NCOR2: variants seen among roughly 807,000 people sequenced by gnomAD.
NCOR2 encodes the protein CTG repeat protein 26.
NCOR2 carries 81 observed loss-of-function variants against 262.9 expected under a neutral mutation model. That is an observed-to-expected ratio of 0.31 (90% CI 0.26 to 0.37). The LOEUF is 0.37. NCOR2 is among the 10% of genes least tolerant of loss of function. The pLI, the probability that NCOR2 is intolerant of heterozygous loss-of-function variation, is 1.00. For missense variants in NCOR2, 3,385 were observed against 3,621.4 expected (o/e 0.93, Z 1.68); for synonymous variants, 1,659 against 1,559.3 (o/e 1.06, Z -1.51).
In NCOR2 at chr12:124,396,744, G is replaced by A. The variant is rs190783526; in HGVS notation, c.1876+1375C>T. ...GGCAGGGTCCCGGGGTGAGGGCGGG[G>A]GCTGTGGGGGTCTTCTCAGGGCTGT... On this transcript the variant is annotated intron_variant, in intron 16 of 46. Transcript: ENST00000405201. Among the ~76,000 whole-genome samples the A allele has an allele frequency of 6.5e-3, 984 of 152,210 alleles. 10 individuals are homozygous for A. Among genetic ancestry groups the A allele is most frequent in the African/African-American group, 0.022 (929 of 41,542 alleles).
At chr12:124,496,735 C>T (rs997373153), upstream of NCOR2, among the ~76,000 whole-genome samples, 3 of 152,134 alleles carry the variant, frequency 2.0e-5, no homozygotes, top group African/African-American at 4.8e-5. This position sits in a 1 kb window ranked among gnomAD's most constrained non-coding sequence, Gnocchi z 4.4. Flanking sequence ...ACCCTCCCTC[C>T]CTCCCCAGGT....
At position 124,543,484 on chromosome 12, in the gene NCOR2, G is replaced by A. The variant is rs545460670; in HGVS notation, c.-164-7873C>T. Among the ~76,000 whole-genome samples, 538 of 152,330 alleles carry A rather than the reference G, an allele frequency of 3.5e-3. 2 individuals carry two copies. The highest frequency in any genetic ancestry group is 6.9e-3 in the Admixed American group (105 of 15,308). On this transcript the variant is annotated intron_variant, in intron 1 of 32. Transcript: ENST00000458234. ...CCAGGTCACACAGCCAGTGAGGGGCGGGGAGACGGGACCCCGAGCATCTGA... is the reference window on the plus strand; with the variant it reads ...CCAGGTCACACAGCCAGTGAGGGGCAGGGAGACGGGACCCCGAGCATCTGA...
Position 124,504,107 on chromosome 12 carries a change from C to T in NCOR2, c.-117-8739G>A, listed in dbSNP as rs536874439. Among the ~76,000 whole-genome samples the T allele has an allele frequency of 1.3e-4, 20 of 152,346 alleles. No individual in the cohort carries two copies. Among genetic ancestry groups the T allele is most frequent in the Middle Eastern group, 3.4e-3 (1 of 294 alleles). On this transcript the variant is annotated intron_variant, in intron 1 of 46. Transcript: ENST00000404621. The surrounding 1 kb of genome is among the most constrained non-coding windows in gnomAD (Gnocchi z 4.5). ...CCGAGTCCCCCACCTGGCACCACTT[C>T]TCCCTTTTCAGCATAAACCAGCACA... is the stretch of plus-strand genomic sequence containing the variant.
chr12:124,368,098 ACCATGTGACTTAG>A (rs2039187157), intron 20 of NCOR2, among the ~76,000 whole-genome samples: 1 of 152,158 alleles, frequency 6.6e-6, no homozygotes, highest in African/African-American at 2.4e-5. Context: ...CCCCTCTCTG[ACCATGTGACTTAG>A]CCAACTGTGC....
chr12:124,325,392 C>CCCCCA, exon 47 of NCOR2: 3 of 1,152,268 alleles, frequency 2.6e-6, no homozygotes, highest in Non-Finnish European at 3.3e-6. Flanking sequence ...CCCCCCCGCC[C>CCCCCA]TGTTCTGAGT....
At chr12:124,379,798 C>G (rs1487888694) in intron 17 of NCOR2, among the ~76,000 whole-genome samples, 1 of 152,226 alleles carries the variant, frequency 6.6e-6, no homozygotes, top group Non-Finnish European at 1.5e-5. Flanking sequence ...GCCCTAAATC[C>G]AACAGGACTG....
chr12:124,435,199 C>T (rs2044262363), intron 8 of NCOR2, among the ~76,000 whole-genome samples: 1 of 152,238 alleles, frequency 6.6e-6, no homozygotes, highest in Non-Finnish European at 1.5e-5. Context: ...CACTGAGGTC[C>T]CCAGCCCATC....
exon 47 of NCOR2, chr12:124,324,549 G>A (rs1005131381): frequency 2.6e-5 from 4 of 152,342 alleles, no homozygotes; most frequent in African/African-American, 9.6e-5. Flanking sequence ...GACACAGCGG[G>A]GCGTGAGCCA....
intron 22 of NCOR2, among the ~76,000 whole-genome samples, chr12:124,359,736 G>A (rs143981325): frequency 5.1e-4 from 77 of 152,382 alleles, no homozygotes; most frequent in African/African-American, 8.4e-4. Context: ...CAGGCTGGGC[G>A]GGCGGCCGAG....
At chr12:124,362,396 G>C in intron 21 of NCOR2, 99 bp from the exon 24 acceptor site, 2 of 1,117,608 alleles carry the variant, frequency 1.8e-6, no homozygotes, top group East Asian at 5.4e-5. Context: ...ACCAAGGCCC[G>C]GGAAAGCCAG....
intron 1 of NCOR2, 45 bp from the exon 4 acceptor site, chr12:124,486,613 C>A (rs1246037922): frequency 1.3e-6 from 2 of 1,530,534 alleles, no homozygotes; most frequent in Non-Finnish European, 1.8e-6. Context: ...CGGGCACGGG[C>A]ATGGCGGGGC....
At chr12:124,522,868 C>A (rs1166267349) in intron 1 of NCOR2, among the ~76,000 whole-genome samples, 2 of 152,206 alleles carry the variant, frequency 1.3e-5, no homozygotes, top group Non-Finnish European at 2.9e-5. Flanking sequence ...CCACAGCCAC[C>A]CTCTCCGGCC....
At chr12:124,417,284 C>CG (rs1565924209) in intron 13 of NCOR2, among the ~76,000 whole-genome samples, 9 of 152,084 alleles carry the variant, frequency 5.9e-5, no homozygotes, top group Admixed American at 2.6e-4. Context: ...ACTCACTCCA[C>CG]GAAGAGCAAG....
chr12:124,498,461 C>T (rs936732865), upstream of NCOR2, among the ~76,000 whole-genome samples: 9 of 152,192 alleles, frequency 5.9e-5, no homozygotes, highest in Non-Finnish European at 1.3e-4. Flanking sequence ...CCTCACATGC[C>T]GGTGGGGCCT....
rs929623305 is a variant in NCOR2, at chr12:124,517,793, C to T, written c.-118+17772G>A. On this transcript the variant is annotated intron_variant, in intron 1 of 46. Coordinates refer to the NCOR2 transcript ENST00000404621. The surrounding 1 kb of genome is among the most constrained non-coding windows in gnomAD (Gnocchi z 7.6). The stretch of plus-strand genomic sequence containing the variant: ...GCCTCACCCCGGCCTGCCCGGCCAG[C>T]GCCTCCGAGCGCTCTTTTCCGTGAC... 2.6e-5 allele frequency among the ~76,000 whole-genome samples: 4 copies of T among 152,226 alleles called. No individual in the cohort carries two copies. The highest frequency in any genetic ancestry group is 4.8e-5 in the African/African-American group (2 of 41,458).
In NCOR2 at chr12:124,335,928, G is replaced by C. The variant is rs562627168; in HGVS notation, c.6116-296C>G. The C allele has an allele frequency of 8.6e-4, 354 of 413,842 alleles. 1 individual carries two copies. Among genetic ancestry groups the C allele is most frequent in the African/African-American group, 6.7e-3 (337 of 50,560 alleles). The allele number at this position is 413,842 out of a possible 1,614,324, so 25.6% of individuals were successfully genotyped here. ...GATGGGTTCAGGTGGTGGAGGCCGG[G>C]CGAGGCCAGCGTGAGATGGGGGCAG... On this transcript the variant is annotated intron_variant, in intron 38 of 46. Transcript: ENST00000405201.
intron 1 of NCOR2, among the ~76,000 whole-genome samples, chr12:124,510,687 C>T (rs926058706): frequency 1.3e-5 from 2 of 152,222 alleles, no homozygotes; most frequent in African/African-American, 2.4e-5. Flanking sequence ...TCTCTCCCAC[C>T]AGGCTGGAGC....
chr12:124,561,352 G>A (rs369364571), intron 1 of NCOR2, among the ~76,000 whole-genome samples: 136 of 152,328 alleles, frequency 8.9e-4, no homozygotes, highest in African/African-American at 3.1e-3. Context: ...CCCCGGTTGT[G>A]GCACTGGCCT....
intron 1 of NCOR2, among the ~76,000 whole-genome samples, chr12:124,553,773 C>A (rs537037698): frequency 2.8e-4 from 43 of 152,364 alleles, no homozygotes; most frequent in Non-Finnish European, 5.3e-4. Flanking sequence ...GAAATCCCCC[C>A]ACTGCTGAAA....
Sources: allele counts gnomAD v4.1 joint callset (sites outside exome capture counted in the v4.1 genomes callset), GRCh38; gene constraint gnomAD v4.1.1; non-coding constraint Gnocchi (gnomAD v3.1); transcripts MANE v1.5; gene names NCBI Gene and HGNC (gene_info 2026-07-23, HGNC 2026-07-21).